Variants in AP1M2 observed in about 807,000 individuals in gnomAD.
The protein encoded by AP1M2 is adaptor related protein complex 1 subunit mu 2, also known as AP-1 complex subunit mu-2.
AP1M2 carries 41 observed loss-of-function variants against 54.6 expected under a neutral mutation model. That is an observed-to-expected ratio of 0.75 (90% CI 0.59 to 0.97). The LOEUF (loss-of-function observed/expected upper bound fraction) is 0.97, where lower values mean the gene tolerates loss of function less well. Ranked by LOEUF, AP1M2 falls within the 50% of genes least tolerant of loss-of-function variation. The pLI is 0.00. For missense variants in AP1M2, 507 were observed against 561.2 expected, an observed-to-expected ratio of 0.90 and a Z score of 0.98; for synonymous variants, 219 against 215.9, an observed-to-expected ratio of 1.01 and a Z score of -0.13.
chr19:10,582,458 A>G (rs901736927), intron 3 of AP1M2, among the ~76,000 whole-genome samples: 7 of 151,920 alleles, frequency 4.6e-5, no homozygotes, highest in African/African-American at 1.7e-4. Context: ...CCCTGTCTCA[A>G]AAAGAAAAAA....
At position 10,573,054 on chromosome 19, in the gene AP1M2, C is replaced by G. The variant is rs1239723838; in HGVS notation, c.*12G>C. ...GGAAGCCCCGTGTTCAAGCCCCCATCTCTTCTCCCTTCTAGCTGGTACGAA... is the reference window on the plus strand; with the variant it reads ...GGAAGCCCCGTGTTCAAGCCCCCATGTCTTCTCCCTTCTAGCTGGTACGAA... On this transcript the variant is annotated 3_prime_UTR_variant, in exon 12 of 12. Transcript: ENST00000250244. 5 of 1,562,982 alleles carry G rather than the reference C, an allele frequency of 3.2e-6. No homozygotes were observed. The highest frequency in any genetic ancestry group is 3.5e-6 in the Non-Finnish European group (4 of 1,153,454).
Position 10,587,252 on chromosome 19 carries a change from G to C in AP1M2, c.-21C>G, listed in dbSNP as rs533278442. On this transcript the variant is annotated 5_prime_UTR_variant, in exon 1 of 12. Transcript: ENST00000250244. ...GACATGGTGGCGGCCGAAGGACTTA[G>C]GAGTCGGGGAGGGAGCGCCGGGAGG... 2.1e-5 allele frequency: 32 copies of C among 1,560,834 alleles called. No homozygotes were observed. Among genetic ancestry groups the C allele is most frequent in the Non-Finnish European group, 2.6e-5 (30 of 1,152,756 alleles).
At chr19:10,586,453 TAAAAA>T (rs59380384) in intron 1 of AP1M2, among the ~76,000 whole-genome samples, 1 of 119,694 alleles carries the variant, frequency 8.4e-6, no homozygotes, top group African/African-American at 3.2e-5. Flanking sequence ...AGACTCTATT[TAAAAA>T]AAAAAAAAAA....
rs555862431 is a variant in AP1M2, at chr19:10,582,879, G to A, written c.267+727C>T. On this transcript the variant is annotated intron_variant, in intron 3 of 11. Transcript: ENST00000250244. ...CTCACAGTGTTGCCCAGGCTGGAGT[G>A]CAGTGGCGAGATCTTGGCTCACCAC... Among the ~76,000 whole-genome samples, 6 of 150,284 alleles carry A rather than the reference G, an allele frequency of 4.0e-5. No homozygotes were observed. In the South Asian group the frequency reaches 1.3e-3, roughly 32 times the overall value.
At chr19:10,582,952 C>A (rs2885056) in intron 3 of AP1M2, among the ~76,000 whole-genome samples, 38,094 of 150,354 alleles carry the variant, frequency 0.25, 5,771 homozygotes, top group East Asian at 0.66. Context: ...CAACCTTCCC[C>A]GTAGCTGGGA....
At position 10,578,911 on chromosome 19, in the gene AP1M2, C is replaced by T. The variant is rs199783174; in HGVS notation, c.869G>A (p.Arg290His). The change falls in exon 8 of 12, where the codon CGC (arginine) becomes CAC (histidine). Residue 290 changes from arginine to histidine, a missense_variant. Transcript: ENST00000250244. Reference sequence around the variant, plus strand: ...GCCCACCTTGACCATGATCTCCACGCGGCTGTGGGAGAACTTCTCAATGAC... The same window carrying T: ...GCCCACCTTGACCATGATCTCCACGTGGCTGTGGGAGAACTTCTCAATGAC... ...ESVIEKFSHS[R>H]VEIMVKAKGQ... is the part of the protein sequence containing the mutation. The T allele has an allele frequency of 6.8e-6, 11 of 1,607,976 alleles. No individual in the cohort carries two copies. The highest frequency in any genetic ancestry group is 4.0e-5 in the African/African-American group (3 of 74,780).
At chr19:10,580,438 G>C (rs1917401629) in intron 6 of AP1M2, among the ~76,000 whole-genome samples, 2 of 151,800 alleles carry the variant, frequency 1.3e-5, no homozygotes, top group African/African-American at 4.8e-5. Flanking sequence ...GAGATGGGCG[G>C]ATCACAAGGT....
chr19:10,574,682 G>A (rs1568429062), intron 10 of AP1M2, among the ~76,000 whole-genome samples, 190 bp from the exon 11 acceptor site: 1 of 152,246 alleles, frequency 6.6e-6, no homozygotes, highest in African/African-American at 2.4e-5. Context: ...GTGGAGAAGG[G>A]ACAGAAGTGA....
chr19:10,577,896 C>T (rs1343878211), intron 8 of AP1M2, among the ~76,000 whole-genome samples: 2 of 152,062 alleles, frequency 1.3e-5, no homozygotes, highest in Non-Finnish European at 2.9e-5. Context: ...GCCACCACGC[C>T]CTGCTAATTT....
chr19:10,581,936 G>T, intron 3 of AP1M2, 58 bp from the exon 4 acceptor site: 4 of 1,501,274 alleles, frequency 2.7e-6, no homozygotes, highest in Non-Finnish European at 3.6e-6. Context: ...GGGCATAGTA[G>T]CTCATGCCTG....
chr19:10,583,864 C>T, intron 2 of AP1M2, 50 bp downstream of exon 2: 4 of 1,552,064 alleles, frequency 2.6e-6, no homozygotes, highest in South Asian at 1.2e-5. Context: ...CTGCCACCAT[C>T]GCCGACAGCC....
chr19:10,583,840 T>TCTC, intron 2 of AP1M2, 74 bp downstream of exon 2: 1 of 1,525,276 alleles, frequency 6.6e-7, no homozygotes, highest in Non-Finnish European at 8.9e-7. Context: ...CAGCCCACCC[T>TCTC]CTCTTGGCCT....
intron 7 of AP1M2, 24 bp downstream of exon 7, chr19:10,579,692 A>G (rs1223496451): frequency 1.1e-5 from 18 of 1,602,298 alleles, no homozygotes; most frequent in Non-Finnish European, 1.5e-5. Context: ...TACTCCACCC[A>G]GATGGGGCTG....
In AP1M2 at chr19:10,574,255, AG is replaced by A. The variant is rs1322742029; in HGVS notation, c.1249+161del. ...GGTTGGTCTCGAACTCCCGGCCTCA[AG>A]AGATCCACCCGCCTTGGCCTCCCAA... On this transcript the variant is annotated intron_variant, in intron 11 of 11. Coordinates refer to ENST00000250244, the MANE Select transcript of AP1M2 (RefSeq NM_005498.5). 3 of 560,892 alleles carry A rather than the reference AG, an allele frequency of 5.3e-6. No individual in the cohort carries two copies. The African/African-American group carries it at 5.9e-5, about 11-fold the overall frequency. 34.7% of individuals were successfully genotyped at this position (560,892 alleles called of 1,614,324 possible).
At chr19:10,578,775 G>T in intron 8 of AP1M2, 117 bp downstream of exon 8, 1 of 676,000 alleles carries the variant, frequency 1.5e-6, no homozygotes, top group Non-Finnish European at 2.5e-6. Flanking sequence ...TGGTCTCAAA[G>T]TCCTGGGCTT....
rs377223246 is a variant in AP1M2 at position 10,583,959 on chromosome 19, G to A, written c.154C>T (p.His52Tyr). The change falls in exon 2 of 12, where the codon CAC becomes TAC. Residue 52 changes from histidine to tyrosine, a missense_variant. Physicochemically the swap from His to Tyr is moderately conservative, Grantham distance 83. Transcript: ENST00000250244. ...ATCCATAGGAAGTGGACCTGGCCGTGGCTCAGCAGCGGGGCCAGGGCGCCT... is the reference window on the plus strand; with the variant it reads ...ATCCATAGGAAGTGGACCTGGCCGTAGCTCAGCAGCGGGGCCAGGGCGCCT... ...EEGALAPLLS[H>Y]GQVHFLWIKH... 6.2e-7 allele frequency: 1 copy of A among 1,603,634 alleles called. No individual in the cohort carries two copies. Among genetic ancestry groups the A allele is most frequent in the African/African-American group, 1.3e-5 (1 of 74,754 alleles).
At chr19:10,584,557 C>T (rs1196264988) in intron 1 of AP1M2, among the ~76,000 whole-genome samples, 1 of 149,760 alleles carries the variant, frequency 6.7e-6, no homozygotes, top group East Asian at 2.0e-4. Flanking sequence ...TCCAGCCTGG[C>T]GACAGAGCAA....
In AP1M2 at chr19:10,572,728, G is replaced by A. The variant is rs537769278; in HGVS notation, c.*338C>T. The stretch of plus-strand genomic sequence containing the variant: ...CAGAGGAGGGGCCAGCGGGACCTCT[G>A]GGCTCAGCGGCTGTGAAGGAGGGAC... On this transcript the variant is annotated 3_prime_UTR_variant, in exon 12 of 12. Coordinates refer to ENST00000250244, the MANE Select transcript of AP1M2 (RefSeq NM_005498.5). The A allele has an allele frequency of 7.3e-6, 2 of 272,552 alleles. No homozygotes were observed. The highest frequency in any genetic ancestry group is 1.3e-4 in the South Asian group (2 of 15,994). The allele number at this position is 272,552 out of a possible 1,614,324, so 16.9% of individuals were successfully genotyped here.
intron 11 of AP1M2, among the ~76,000 whole-genome samples, chr19:10,573,632 C>T (rs768142947): frequency 1.3e-5 from 2 of 150,902 alleles, no homozygotes; most frequent in Admixed American, 6.6e-5. Context: ...CTAGAACTGA[C>T]GCTGACAACT....
Sources: allele counts gnomAD v4.1 joint callset (sites outside exome capture counted in the v4.1 genomes callset), GRCh38; gene constraint gnomAD v4.1.1; transcripts MANE v1.5; gene names NCBI Gene and HGNC (gene_info 2026-07-23, HGNC 2026-07-21).